Variants in C3orf38 observed in about 807,000 individuals in gnomAD.
C3orf38 encodes the protein chromosome 3 open reading frame 38.
Under a neutral mutation model 28.3 loss-of-function variants are expected in C3orf38, and 18 were observed. That is an observed-to-expected ratio of 0.64 (90% CI 0.44 to 0.94). The LOEUF (loss-of-function observed/expected upper bound fraction) is 0.94. C3orf38 is among the 40% of genes least tolerant of loss of function. The probability of loss-of-function intolerance (pLI) is 0.00; values close to 1 mark genes in which losing one functional copy is unlikely to be tolerated. For synonymous variants in C3orf38, 145 were observed against 138.1 expected, an observed-to-expected ratio of 1.05 and a Z score of -0.35; for missense variants, 364 against 396.4, an observed-to-expected ratio of 0.92 and a Z score of 0.69.
intron 2 of C3orf38, among the ~76,000 whole-genome samples, chr3:88,154,683 G>T (rs928393863): frequency 1.3e-5 from 2 of 152,074 alleles, no homozygotes; most frequent in Non-Finnish European, 2.9e-5. Context: ...TCAAATTAGG[G>T]TCTGCAATAT....
intron 1 of C3orf38, among the ~76,000 whole-genome samples, chr3:88,152,642 C>A (rs1390414996): frequency 1.3e-5 from 2 of 151,628 alleles, no homozygotes; most frequent in African/African-American, 2.4e-5. Flanking sequence ...GTAGTCCCAG[C>A]TACCTGGGAG....
In C3orf38 at chr3:88,153,340, A is replaced by G. The variant is rs138036641; in HGVS notation, c.244A>G (p.Ile82Val). Residue 82 changes from isoleucine to valine, a missense_variant, in exon 2 of 3, where the codon ATA becomes GTA. By Grantham distance (29) the Ile-to-Val change is conservative. Coordinates refer to ENST00000318887, the MANE Select transcript of C3orf38 (RefSeq NM_173824.4). ...GTACTTGGCAACACAGGGGATTGTT[A>G]TACCTCCAGCTACTGAAAAACACAA... is the stretch of plus-strand genomic sequence containing the variant. Reference protein sequence around the residue: ...FKYLATQGIVIPPATEKHNLI... With the variant: ...FKYLATQGIVVPPATEKHNLI... 6.8e-4 allele frequency: 1,091 copies of G among 1,614,152 alleles called. 6 individuals are homozygous for G. The African/African-American group carries it at 0.011, about 16-fold the overall frequency.
rs1707474006 is a variant in C3orf38 at position 88,156,005 on chromosome 3, T to C, written c.376-16T>C. On this transcript the variant is annotated splice_polypyrimidine_tract_variant and intron_variant, in intron 2 of 2. Transcript: ENST00000318887. ...CCTTAGTGTTATTTTGTATTTATTTTATTTGTTTCAATCAGCAGGTGAAAG... is the reference window on the plus strand; with the variant it reads ...CCTTAGTGTTATTTTGTATTTATTTCATTTGTTTCAATCAGCAGGTGAAAG... The C allele has an allele frequency of 6.6e-7, 1 of 1,511,964 alleles. No homozygotes were observed. Among genetic ancestry groups the C allele is most frequent in the Non-Finnish European group, 8.9e-7 (1 of 1,129,922 alleles). 93.7% of individuals were successfully genotyped at this position (1,511,964 alleles called of 1,614,324 possible).
rs766955142 is a variant in C3orf38, at chr3:88,156,521, A to G, written c.876A>G (p.Lys292=). ...GAACATTACCGAAACCATCTGTTAA[A>G]TTTGAACAAAGTGATCTAGAGGCCT... ...APGTLPKPSV[K]FEQSDLEAFY... The change falls in exon 3 of 3, where the codon AAA becomes AAG. Residue 292 remains lysine (K), a synonymous_variant. Transcript: ENST00000318887. 11 of 1,614,084 alleles carry G rather than the reference A, an allele frequency of 6.8e-6. No homozygotes were observed. Among genetic ancestry groups the G allele is most frequent in the African/African-American group, 1.3e-5 (1 of 74,922 alleles).
intron 2 of C3orf38, among the ~76,000 whole-genome samples, chr3:88,155,281 A>G (rs1254264352): frequency 5.3e-5 from 8 of 152,162 alleles, no homozygotes; most frequent in African/African-American, 1.9e-4. Flanking sequence ...ATGCTTGCTT[A>G]TATTAACTTT....
intron 2 of C3orf38, among the ~76,000 whole-genome samples, chr3:88,154,063 C>T (rs1447607715): frequency 1.3e-5 from 2 of 152,066 alleles, no homozygotes; most frequent in South Asian, 2.1e-4. Context: ...AGAGAGTAAA[C>T]TGCAAGGTTA....
In C3orf38 at chr3:88,156,753, T is replaced by C; in HGVS notation, c.*118T>C. The C allele has an allele frequency of 9.9e-7, 1 of 1,010,712 alleles. No homozygotes were observed. The highest frequency in any genetic ancestry group is 2.4e-5 in the East Asian group (1 of 41,664). 62.6% of individuals were successfully genotyped at this position (1,010,712 alleles called of 1,614,324 possible). On this transcript the variant is annotated 3_prime_UTR_variant, in exon 3 of 3. Transcript: ENST00000318887. The stretch of plus-strand genomic sequence containing the variant: ...TATACAGAAACTCTTCCAAATACTA[T>C]ATCAGTAATGTCTGAATGATTTCAG...
intron 1 of C3orf38, chr3:88,150,972 C>T (rs1218335814): frequency 6.6e-6 from 1 of 152,092 alleles, no homozygotes; most frequent in African/African-American, 2.4e-5. Context: ...ACCATGGACA[C>T]TAAAAGAGGA....
chr3:88,155,965 G>T (rs1707473479), intron 2 of C3orf38, 56 bp from the exon 3 acceptor site: 2 of 1,349,128 alleles, frequency 1.5e-6, no homozygotes, highest in African/African-American at 1.5e-5. Context: ...TAGAAAAATA[G>T]ATATGAAAGT....
At chr3:88,152,427 A>C (rs1259484229) in intron 1 of C3orf38, among the ~76,000 whole-genome samples, 1 of 151,590 alleles carries the variant, frequency 6.6e-6, no homozygotes, top group Non-Finnish European at 1.5e-5. Context: ...TAAAAATTAA[A>C]ATATATAAAG....
rs1707478176 is a variant in C3orf38, at chr3:88,156,260, A to G, written c.615A>G (p.Leu205=). Reference sequence around the variant, plus strand: ...TCGTGAGCCTTCGTTTGCTGTCACTAGTAAAAGAAGAATTTCTTTTTCTCA... The same window carrying G: ...TCGTGAGCCTTCGTTTGCTGTCACTGGTAAAAGAAGAATTTCTTTTTCTCA... ...AEIVSLRLLS[L]VKEEFLFLSP... is the part of the protein sequence containing the mutation. The change falls in exon 3 of 3, where the codon CTA becomes CTG. Residue 205 remains leucine (L), a synonymous_variant. Coordinates refer to ENST00000318887, the MANE Select transcript of C3orf38 (RefSeq NM_173824.4). 1.2e-6 allele frequency: 2 copies of G among 1,614,098 alleles called. No individual in the cohort carries two copies. Among genetic ancestry groups the G allele is most frequent in the Admixed American group, 3.3e-5 (2 of 60,008 alleles).
At chr3:88,154,627 T>G (rs1377167869) in intron 2 of C3orf38, among the ~76,000 whole-genome samples, 1 of 152,208 alleles carries the variant, frequency 6.6e-6, no homozygotes, top group Non-Finnish European at 1.5e-5. Flanking sequence ...TTTCTTACTT[T>G]ATGTACTGAT....
Position 88,156,285 on chromosome 3 carries a change from A to G in C3orf38, c.640A>G (p.Ser214Gly). Residue 214 changes from serine to glycine, a missense_variant, in exon 3 of 3, where the codon AGC becomes GGC. Transcript: ENST00000318887. ...SLVKEEFLFL[S>G]PNLDSHGLKC... is the part of the protein sequence containing the mutation. ...AGTAAAAGAAGAATTTCTTTTTCTC[A>G]GCCCCAACCTAGATTCACATGGACT... The G allele has an allele frequency of 6.2e-7, 1 of 1,614,210 alleles. No individual in the cohort carries two copies. The highest frequency in any genetic ancestry group is 8.5e-7 in the Non-Finnish European group (1 of 1,180,040).
intron 1 of C3orf38, among the ~76,000 whole-genome samples, 153 bp from the exon 2 acceptor site, chr3:88,153,077 G>A (rs1264601126): frequency 6.6e-6 from 1 of 152,050 alleles, no homozygotes; most frequent in African/African-American, 2.4e-5. Flanking sequence ...AACTGACAAC[G>A]GACTTCCTAT....
chr3:88,153,171 C>G, intron 1 of C3orf38, 59 bp from the exon 2 acceptor site: 1 of 1,535,400 alleles, frequency 6.5e-7, no homozygotes, highest in South Asian at 1.2e-5. Context: ...TTCTGCCCAC[C>G]TGGCACAAAT....
chr3:88,153,068 A>G (rs1707437146), intron 1 of C3orf38, among the ~76,000 whole-genome samples, 162 bp from the exon 2 acceptor site: 1 of 152,238 alleles, frequency 6.6e-6, no homozygotes, highest in African/African-American at 2.4e-5. Context: ...TTAAAAGAAA[A>G]CTGACAACGG....
At position 88,157,178 on chromosome 3, in the gene C3orf38, A is replaced by G. The variant is rs1357813360; in HGVS notation, c.*543A>G. ...GTTCTCATTTTAGAAAATTTAAATA[A>G]CATTCTTTTTGCAAAAAAGTCCAAT... is the stretch of plus-strand genomic sequence containing the variant. On this transcript the variant is annotated 3_prime_UTR_variant, in exon 3 of 3. Coordinates refer to ENST00000318887, the MANE Select transcript of C3orf38 (RefSeq NM_173824.4). 1 of 152,260 alleles carries G rather than the reference A, an allele frequency of 6.6e-6. No individual in the cohort carries two copies. The highest frequency in any genetic ancestry group is 2.4e-5 in the African/African-American group (1 of 41,468). The allele number at this position is 152,260 out of a possible 1,614,324, so 9.4% of individuals were successfully genotyped here. A position where few individuals can be genotyped will look rare whatever the true frequency, so the allele number is the denominator to read the frequency against.
intron 2 of C3orf38, among the ~76,000 whole-genome samples, chr3:88,154,346 C>A (rs1397836182): frequency 6.6e-6 from 1 of 150,542 alleles, no homozygotes; most frequent in East Asian, 2.0e-4. Context: ...TGCCCCCGCC[C>A]CCACATTGGA....
In C3orf38 at chr3:88,157,396, A is replaced by G. The variant is rs986500812; in HGVS notation, c.*761A>G. On this transcript the variant is annotated 3_prime_UTR_variant, in exon 3 of 3. Transcript: ENST00000318887. ...TAGGCTTCAGACAACAGTTTTATAG[A>G]GCAGTTACTGTAATACAATATAAAG... The G allele has an allele frequency of 1.3e-5, 2 of 152,220 alleles. No individual in the cohort carries two copies. Among genetic ancestry groups the G allele is most frequent in the East Asian group, 1.9e-4 (1 of 5,200 alleles). 9.4% of individuals were successfully genotyped at this position (152,220 alleles called of 1,614,324 possible).
Sources: allele counts gnomAD v4.1 joint callset (sites outside exome capture counted in the v4.1 genomes callset), GRCh38; gene constraint gnomAD v4.1.1; transcripts MANE v1.5; gene names NCBI Gene and HGNC (gene_info 2026-07-23, HGNC 2026-07-21).